The following LRP1B variants were observed in gnomAD, a reference collection of about 807,000 sequenced individuals.
LRP1B encodes the protein LDL receptor related protein 1B, also known as low-density lipoprotein receptor-related protein 1B.
LRP1B carries 217 observed loss-of-function variants against 556.6 expected under a neutral mutation model. The ratio of observed to expected loss-of-function variants is 0.39; its 90% CI spans 0.35 to 0.44. The LOEUF (loss-of-function observed/expected upper bound fraction) is 0.44. Ranked by LOEUF, LRP1B falls within the 20% of genes least tolerant of loss-of-function variation. The pLI, the probability that LRP1B is intolerant of heterozygous loss-of-function variation, is 1.00. For synonymous variants in LRP1B, 2,047 were observed against 1,865.8 expected, an observed-to-expected ratio of 1.10 and a Z score of -2.50; for missense variants, 5,053 against 5,620.8, an observed-to-expected ratio of 0.90 and a Z score of 3.23.
intron 37 of LRP1B, among the ~76,000 whole-genome samples, chr2:140,715,169 T>C (rs1378246272): frequency 3.9e-5 from 6 of 152,068 alleles, no homozygotes; most frequent in African/African-American, 1.4e-4. Context: ...TAGGGTCTGA[T>C]TAAGAAGGAT....
At chr2:140,387,144 T>A (rs1165558107) in intron 66 of LRP1B, among the ~76,000 whole-genome samples, 1 of 152,170 alleles carries the variant, frequency 6.6e-6, no homozygotes, top group Non-Finnish European at 1.5e-5. Context: ...CAACTCCTTA[T>A]CAGCCATACT....
rs142353749 is a variant in LRP1B at position 140,233,187 on chromosome 2, T to C, written c.13799A>G (p.Ter4600=). ...IEIGIRETVA[*] is the part of the protein sequence containing the mutation. ...ACAGCATATAAAAGATATCACTGAT[T>C]ATGCCACTGTCTCTCTTATACCAAT... Residue 4600 remains the stop codon, a stop_retained_variant, in exon 91 of 91, where the codon TAA becomes TGA. Coordinates refer to ENST00000389484, the MANE Select transcript of LRP1B (RefSeq NM_018557.3). The C allele has an allele frequency of 3.3e-4, 526 of 1,586,566 alleles. 2 individuals are homozygous for C. The highest frequency in any genetic ancestry group is 3.2e-3 in the Middle Eastern group (19 of 5,938).
chr2:141,173,209 G>A (rs1423312914), intron 7 of LRP1B, among the ~76,000 whole-genome samples: 2 of 151,648 alleles, frequency 1.3e-5, no homozygotes, highest in African/African-American at 4.8e-5. Flanking sequence ...GCATTTGCAG[G>A]GCTTTGATAA....
intron 2 of LRP1B, among the ~76,000 whole-genome samples, chr2:141,597,432 C>A (rs1687563584): frequency 6.6e-6 from 1 of 152,052 alleles, no homozygotes. Flanking sequence ...TTAAGCACAA[C>A]CCCTTCTCGC....
In LRP1B at chr2:142,056,501, G is replaced by C. The variant is rs151298491; in HGVS notation, c.82+74147C>G. Among the ~76,000 whole-genome samples the C allele has an allele frequency of 5.5e-4, 84 of 152,182 alleles. No individual in the cohort carries two copies. The East Asian group carries it at 0.015, about 28-fold the overall frequency. On this transcript the variant is annotated intron_variant, in intron 1 of 90. Coordinates refer to ENST00000389484, the MANE Select transcript of LRP1B (RefSeq NM_018557.3). ...AATAGGAAGGGAGAGGAGTCTATTA[G>C]GAAGGGGTGGGCCAGCCTCTGAGGC...
Position 141,038,296 on chromosome 2 carries a change from T to A in LRP1B, c.1789+10690A>T, listed in dbSNP as rs553847532. Among the ~76,000 whole-genome samples the A allele has an allele frequency of 3.3e-5, 5 of 152,130 alleles. No homozygotes were observed. The South Asian group carries it at 1.0e-3, about 32-fold the overall frequency. ...TTGATGACACAATGAATTTAGAATT[T>A]TGATTTGTGTGTATATATGGTGGAC... On this transcript the variant is annotated intron_variant, in intron 11 of 90. Transcript: ENST00000389484.
chr2:140,650,709 G>A (rs553106678), intron 41 of LRP1B, among the ~76,000 whole-genome samples: 2 of 152,244 alleles, frequency 1.3e-5, no homozygotes, highest in South Asian at 4.1e-4. Context: ...GGGAGCTGAT[G>A]AAAATCCCTA....
chr2:141,011,563 G>T (rs1375172952), intron 14 of LRP1B, among the ~76,000 whole-genome samples: 1 of 152,032 alleles, frequency 6.6e-6, no homozygotes, highest in Admixed American at 6.6e-5. Context: ...GCTACATGAA[G>T]AAGTGGTAGA....
At chr2:141,873,028 G>A (rs1424777626) in intron 1 of LRP1B, among the ~76,000 whole-genome samples, 5 of 151,978 alleles carry the variant, frequency 3.3e-5, no homozygotes, top group African/African-American at 1.2e-4. Flanking sequence ...GAAGAACTTA[G>A]CAAATGAATA....
intron 1 of LRP1B, among the ~76,000 whole-genome samples, chr2:142,022,043 G>A (rs1703345257): frequency 6.6e-6 from 1 of 152,026 alleles, no homozygotes; most frequent in Admixed American, 6.5e-5. Flanking sequence ...AACACAACGA[G>A]CATGAAACTA....
intron 3 of LRP1B, among the ~76,000 whole-genome samples, chr2:141,344,465 T>C (rs1688175757): frequency 6.6e-6 from 1 of 152,174 alleles, no homozygotes; most frequent in South Asian, 2.1e-4. Context: ...CTGTTTCAAA[T>C]GTTCTTTCCC....
At chr2:141,302,420 C>T (rs772271852) in intron 3 of LRP1B, among the ~76,000 whole-genome samples, 6 of 152,088 alleles carry the variant, frequency 3.9e-5, no homozygotes, top group Admixed American at 6.6e-5. Flanking sequence ...AGAGTTATAA[C>T]TCTTTTGTTC....
At chr2:140,861,277 C>T (rs1294878177) in intron 27 of LRP1B, among the ~76,000 whole-genome samples, 2 of 152,004 alleles carry the variant, frequency 1.3e-5, no homozygotes, top group Non-Finnish European at 2.9e-5. Flanking sequence ...CAAGGTGGCA[C>T]GTGACTGTAA....
At chr2:140,295,009 T>C (rs1683542519) in intron 84 of LRP1B, among the ~76,000 whole-genome samples, 1 of 152,080 alleles carries the variant, frequency 6.6e-6, no homozygotes. Flanking sequence ...CCCTAGTAGC[T>C]GGGACTACAG....
chr2:141,136,462 C>T (rs1006483402), intron 7 of LRP1B, among the ~76,000 whole-genome samples: 5 of 151,638 alleles, frequency 3.3e-5, no homozygotes, highest in African/African-American at 1.2e-4. Context: ...TCAATTCCCA[C>T]ATTTTTAAAA....
At chr2:140,956,414 C>A (rs925951350) in intron 18 of LRP1B, among the ~76,000 whole-genome samples, 3 of 151,600 alleles carry the variant, frequency 2.0e-5, no homozygotes, top group Admixed American at 2.0e-4. Flanking sequence ...AAATTTAATT[C>A]TTCATTCTGT....
rs1009225883 is a variant in LRP1B at position 140,647,222 on chromosome 2, CAAT to C, written c.6800-45586_6800-45584del. On this transcript the variant is annotated intron_variant, in intron 41 of 90. Transcript: ENST00000389484. ...AAAAAAACTTGAAATCTTAATGTCTCAATAATGTTTTAAAAATTATATTTTTAA... is the reference window on the plus strand; with the variant it reads ...AAAAAAACTTGAAATCTTAATGTCTCAATGTTTTAAAAATTATATTTTTAA... 3.3e-4 allele frequency among the ~76,000 whole-genome samples: 50 copies of C among 152,204 alleles called. 1 individual carries two copies. Among genetic ancestry groups the C allele is most frequent in the African/African-American group, 4.6e-4 (19 of 41,538 alleles).
In LRP1B at chr2:140,424,568, C is replaced by T. The variant is rs967049718; in HGVS notation, c.10414+17936G>A. On this transcript the variant is annotated intron_variant, in intron 66 of 90. Coordinates refer to ENST00000389484, the MANE Select transcript of LRP1B (RefSeq NM_018557.3). ...ATAGATGACCATCTCCAAAAACTTA[C>T]AGTGCCAACATATAAACTGAGATAA... is the stretch of plus-strand genomic sequence containing the variant. Among the ~76,000 whole-genome samples, 3 of 152,288 alleles carry T rather than the reference C, an allele frequency of 2.0e-5. No homozygotes were observed. The South Asian group carries it at 6.2e-4, about 32-fold the overall frequency.
chr2:140,676,897 G>GAT (rs1256612077), intron 41 of LRP1B, among the ~76,000 whole-genome samples: 1 of 152,164 alleles, frequency 6.6e-6, no homozygotes, highest in African/African-American at 2.4e-5. Context: ...AAACAATAGA[G>GAT]ATACAGCAAA....
Sources: allele counts gnomAD v4.1 joint callset (sites outside exome capture counted in the v4.1 genomes callset), GRCh38; gene constraint gnomAD v4.1.1; transcripts MANE v1.5; gene names NCBI Gene and HGNC (gene_info 2026-07-23, HGNC 2026-07-21).